The following ATG16L2 variants were observed in gnomAD, a reference collection of about 807,000 sequenced individuals.
ATG16L2 encodes the protein protein Atg16l2.
In ATG16L2, 77 loss-of-function variants were observed where a neutral mutation model predicts 84.7. The ratio of observed to expected loss-of-function variants is 0.91; its 90% confidence interval spans 0.76 to 1.10. The LOEUF is 1.10. Ranked by LOEUF, ATG16L2 falls within the 50% of genes least tolerant of loss-of-function variation. The pLI is 0.00. For synonymous variants in ATG16L2, 361 were observed against 342.8 expected, an observed-to-expected ratio of 1.05 and a Z score of -0.59; for missense variants, 782 against 817.6, an observed-to-expected ratio of 0.96 and a Z score of 0.53.
chr11:72,830,908 G>T (rs1342109555), downstream of ATG16L2, among the ~76,000 whole-genome samples: 1 of 152,210 alleles, frequency 6.6e-6, no homozygotes. Context: ...GGGCCTATAG[G>T]TGCATGCCAC....
rs1860095323 is a variant in ATG16L2, at chr11:72,822,873, A to G, written c.736A>G (p.Met246Val). The G allele has an allele frequency of 6.4e-7, 1 of 1,570,736 alleles. No individual in the cohort carries two copies. Among genetic ancestry groups the G allele is most frequent in the Non-Finnish European group, 8.6e-7 (1 of 1,157,416 alleles). ...SEGPDTLGDG[M>V]RERRETLALA... The stretch of plus-strand genomic sequence containing the variant: ...GGGCCCGGACACCCTAGGCGATGGG[A>G]TGAGGGAGAGAAGGGAGACTCTGGC... The change falls in exon 7 of 18, where the codon ATG becomes GTG. Residue 246 changes from methionine to valine, a missense_variant. Met to Val is a conservative substitution (Grantham distance 21). Transcript: ENST00000321297. The surrounding 1 kb of genome is among the most constrained non-coding windows in gnomAD (Gnocchi z 4.2).
chr11:72,835,453 A>C (rs1311938339), intron 5 of ATG16L2, among the ~76,000 whole-genome samples: 1 of 151,236 alleles, frequency 6.6e-6, no homozygotes, highest in Non-Finnish European at 1.5e-5. Context: ...TGGTGGTGAG[A>C]AGAGTTCGTG....
intron 7 of ATG16L2, chr11:72,823,837 G>C (rs759645953): frequency 1.3e-5 from 9 of 694,322 alleles, no homozygotes; most frequent in Non-Finnish European, 1.9e-5. Context: ...CCCATCATGA[G>C]GGAGACCTTG....
rs758731122 is a variant in ATG16L2 at position 72,816,796 on chromosome 11, A to G, written c.187A>G (p.Ser63Gly). 4.3e-6 allele frequency: 7 copies of G among 1,614,238 alleles called. No individual in the cohort carries two copies. The Admixed American group carries it at 5.0e-5, about 12-fold the overall frequency. Reference protein sequence around the residue: ...FSKKLQPEPNSVTPTTHQGPW... With the variant: ...FSKKLQPEPNGVTPTTHQGPW... ...AAAGAAGCTGCAGCCGGAGCCAAAC[A>G]GTGTCACTCCCACCACCCACCAGGG... is the stretch of plus-strand genomic sequence containing the variant. Residue 63 changes from serine to glycine, a missense_variant, in exon 2 of 18, where the codon AGT (serine) becomes GGT (glycine). Physicochemically the swap from Ser to Gly is moderately conservative, Grantham distance 56 (BLOSUM62 0). Transcript: ENST00000321297.
chr11:72,816,937 C>CT lies in ATG16L2; in HGVS notation c.218+111dup, dbSNP rs1473616687. The CT allele has an allele frequency of 6.5e-6, 3 of 462,754 alleles. No homozygotes were observed. In the East Asian group the frequency reaches 2.3e-4, roughly 36 times the overall value. 28.7% of individuals were successfully genotyped at this position (462,754 alleles called of 1,614,324 possible). A position where few individuals can be genotyped will look rare whatever the true frequency, so the allele number is the denominator to read the frequency against. On this transcript the variant is annotated intron_variant, in intron 2 of 17. Transcript: ENST00000321297. ...CTAGTGCCTCATCAGCCCTTGGCTG[C>CT]TGCCCAGGGGTGGTGGGGGTGGTGG... is the stretch of plus-strand genomic sequence containing the variant.
At chr11:72,824,676 C>A in intron 8 of ATG16L2, 58 bp from the exon 9 acceptor site, 1 of 1,298,476 alleles carries the variant, frequency 7.7e-7, no homozygotes, top group Non-Finnish European at 1.1e-6. Flanking sequence ...GAGCTGGAGG[C>A]TCCCACCTGA....
chr11:72,835,963 G>A (rs1161422547), intron 5 of ATG16L2, among the ~76,000 whole-genome samples: 1 of 152,098 alleles, frequency 6.6e-6, no homozygotes, highest in Non-Finnish European at 1.5e-5. Context: ...GGTCAGGCTG[G>A]TCTCAAACTC....
chr11:72,822,404 G>C lies in ATG16L2; in HGVS notation c.645-74G>C. On this transcript the variant is annotated intron_variant, in intron 5 of 17. Transcript: ENST00000321297. This position sits in a 1 kb window ranked among gnomAD's most constrained non-coding sequence, Gnocchi z 4.2. ...GGGGGGCAGCAGCCGCCCCCTGGAG[G>C]AAGGGACCGGGTCTAGCCCCGCCTG... 2 of 1,594,202 alleles carry C rather than the reference G, an allele frequency of 1.3e-6. No individual in the cohort carries two copies. Among genetic ancestry groups the C allele is most frequent in the Non-Finnish European group, 8.5e-7 (1 of 1,174,226 alleles).
chr11:72,826,998 CTGGTTTCT>C (rs1860401395), intron 13 of ATG16L2, 175 bp downstream of exon 13: 4 of 920,958 alleles, frequency 4.3e-6, no homozygotes, highest in Non-Finnish European at 6.5e-6. Context: ...TGTTTTCTGT[CTGGTTTCT>C]TGGTGACCTC....
chr11:72,841,361 A>T, intron 5 of ATG16L2: 1 of 1,160,874 alleles, frequency 8.6e-7, no homozygotes, highest in Non-Finnish European at 1.2e-6. Flanking sequence ...AAAAAAAAAA[A>T]AAAGCAAATG....
At chr11:72,820,845 G>A (rs561993110) in intron 3 of ATG16L2, among the ~76,000 whole-genome samples, 1 of 152,224 alleles carries the variant, frequency 6.6e-6, no homozygotes, top group East Asian at 1.9e-4. Flanking sequence ...TTGGCTCTGG[G>A]TTGAAGGCAT....
chr11:72,821,996 G>A (rs1270463747), intron 4 of ATG16L2, 48 bp from the exon 5 acceptor site: 1 of 1,464,746 alleles, frequency 6.8e-7, no homozygotes, highest in Non-Finnish European at 8.9e-7. Context: ...CCACTGGGCA[G>A]TGACGGGGGA....
Position 72,816,807 on chromosome 11 carries a change from C to T in ATG16L2, c.198C>T (p.Pro66=), listed in dbSNP as rs777293453. 5.6e-6 allele frequency: 9 copies of T among 1,614,098 alleles called. No individual in the cohort carries two copies. The highest frequency in any genetic ancestry group is 1.6e-4 in the Middle Eastern group (1 of 6,082). ...AGCCGGAGCCAAACAGTGTCACTCCCACCACCCACCAGGGCCCCTGGTAAG... is the reference window on the plus strand; with the variant it reads ...AGCCGGAGCCAAACAGTGTCACTCCTACCACCCACCAGGGCCCCTGGTAAG... ...KLQPEPNSVT[P]TTHQGPWEES... The change falls in exon 2 of 18, where the codon CCC becomes CCT. Residue 66 remains proline (P), a synonymous_variant. Transcript: ENST00000321297.
intron 3 of ATG16L2, chr11:72,821,180 G>A (rs1409852734): frequency 8.2e-6 from 8 of 978,470 alleles, no homozygotes; most frequent in Middle Eastern, 5.2e-4. Flanking sequence ...CCTCTCTGTC[G>A]GTGTCCTTGT....
intron 3 of ATG16L2, 136 bp from the exon 4 acceptor site, chr11:72,821,532 C>T: frequency 3.4e-6 from 5 of 1,463,078 alleles, no homozygotes; most frequent in Non-Finnish European, 4.5e-6. Context: ...AGGTCCCAAA[C>T]CTGTGTGGGG....
chr11:72,820,822 C>T (rs145435818), intron 3 of ATG16L2, among the ~76,000 whole-genome samples: 2 of 152,050 alleles, frequency 1.3e-5, no homozygotes, highest in African/African-American at 4.8e-5. Context: ...TCTGTCTCTC[C>T]CACCGACCCT....
rs1014002980 is a variant in ATG16L2, at chr11:72,821,696, C to T, written c.347C>T (p.Ala116Val). The change falls in exon 4 of 18, where the codon GCG becomes GTG. Residue 116 changes from alanine to valine, a missense_variant. Transcript: ENST00000321297. ...GCCTACCAGGTGGTGGAGAAGGGCGCGGCCCTGGGCACGCTGGAGTCGGAG... is the reference window on the plus strand; with the variant it reads ...GCCTACCAGGTGGTGGAGAAGGGCGTGGCCCTGGGCACGCTGGAGTCGGAG... ...EMAYQVVEKG[A>V]ALGTLESELQ... The T allele has an allele frequency of 2.6e-6, 4 of 1,536,662 alleles. No individual in the cohort carries two copies. Among genetic ancestry groups the T allele is most frequent in the African/African-American group, 1.4e-5 (1 of 72,892 alleles).
At position 72,824,765 on chromosome 11, in the gene ATG16L2, G is replaced by C. The variant is rs936233321; in HGVS notation, c.919G>C (p.Gly307Arg). ...FKKRRGHSIG[G>R]APEQRYQIIP... The stretch of plus-strand genomic sequence containing the variant: ...GAAGAGGAGAGGTCACTCAATTGGG[G>C]GAGCCCCTGAGCAGCGATACCAGAT... Residue 307 changes from glycine (G) to arginine (R), a missense_variant, in exon 9 of 18, where the codon GGA becomes CGA. Gly to Arg is a moderately radical substitution (Grantham distance 125). Coordinates refer to ENST00000321297, the MANE Select transcript of ATG16L2 (RefSeq NM_033388.2). 1 of 1,613,670 alleles carries C rather than the reference G, an allele frequency of 6.2e-7. No homozygotes were observed. The highest frequency in any genetic ancestry group is 1.7e-4 in the Middle Eastern group (1 of 6,060).
intron 14 of ATG16L2, among the ~76,000 whole-genome samples, chr11:72,827,719 A>C (rs1162277419): frequency 6.6e-6 from 1 of 152,194 alleles, no homozygotes; most frequent in Non-Finnish European, 1.5e-5. Flanking sequence ...CGGGCAGATC[A>C]CCTGAGGTCA....
Sources: allele counts gnomAD v4.1 joint callset (sites outside exome capture counted in the v4.1 genomes callset), GRCh38; gene constraint gnomAD v4.1.1; non-coding constraint Gnocchi (gnomAD v3.1); transcripts MANE v1.5; gene names NCBI Gene and HGNC (gene_info 2026-07-23, HGNC 2026-07-21).